FSTL4: variants seen among roughly 807,000 people sequenced by gnomAD.
The protein encoded by FSTL4 is follistatin-related protein 4.
Under a neutral mutation model 78.2 loss-of-function variants are expected in FSTL4, and 28 were observed. The ratio of observed to expected loss-of-function variants is 0.36; its 90% CI spans 0.27 to 0.49. The LOEUF (loss-of-function observed/expected upper bound fraction) is 0.49, where lower values mean the gene tolerates loss of function less well. FSTL4 is among the 20% of genes least tolerant of loss of function. The pLI is 0.98. For missense variants in FSTL4, 922 were observed against 1,084.9 expected, an observed-to-expected ratio of 0.85 and a Z score of 2.11; for synonymous variants, 422 against 440.5, an observed-to-expected ratio of 0.96 and a Z score of 0.53.
At chr5:133,267,573 A>G (rs552654764) in intron 6 of FSTL4, among the ~76,000 whole-genome samples, 36 of 152,260 alleles carry the variant, frequency 2.4e-4, no homozygotes, top group East Asian at 5.8e-4. Context: ...GGGAAGCACC[A>G]TGGCCATAGT....
the FSTL4 span, among the ~76,000 whole-genome samples, chr5:133,826,676 A>T: frequency 6.6e-6 from 1 of 152,150 alleles, no homozygotes; most frequent in Non-Finnish European, 1.5e-5. Context: ...CCATCTCAAG[A>T]TCCTTAATTT....
At chr5:133,624,035 A>G in the FSTL4 span, among the ~76,000 whole-genome samples, 1 of 152,046 alleles carries the variant, frequency 6.6e-6, no homozygotes, top group Non-Finnish European at 1.5e-5. Context: ...GTCGTGGAAG[A>G]CAGTGTGGTG....
At chr5:133,304,704 G>A (rs1233341582) in intron 6 of FSTL4, among the ~76,000 whole-genome samples, 4 of 152,214 alleles carry the variant, frequency 2.6e-5, no homozygotes, top group Non-Finnish European at 4.4e-5. Flanking sequence ...AGAAGTAAAC[G>A]ATTGAGATGG....
chr5:133,562,862 G>C (rs967667100), intron 3 of FSTL4, among the ~76,000 whole-genome samples: 4 of 152,188 alleles, frequency 2.6e-5, no homozygotes, highest in Admixed American at 2.6e-4. Flanking sequence ...CAACATGATG[G>C]GAACAGTCAG....
At chr5:133,564,284 C>T (rs1039311415) in intron 3 of FSTL4, among the ~76,000 whole-genome samples, 1 of 152,102 alleles carries the variant, frequency 6.6e-6, no homozygotes, top group African/African-American at 2.4e-5. Flanking sequence ...AGGACTTTGA[C>T]ATGTCTTTTT....
At chr5:133,625,074 C>A in the FSTL4 span, among the ~76,000 whole-genome samples, 1 of 151,440 alleles carries the variant, frequency 6.6e-6, no homozygotes, top group Non-Finnish European at 1.5e-5. Context: ...AGATATGGGT[C>A]TTTAATGTTT....
At chr5:133,707,879 T>C in the FSTL4 span, among the ~76,000 whole-genome samples, 2 of 151,802 alleles carry the variant, frequency 1.3e-5, no homozygotes, top group Middle Eastern at 3.2e-3. Context: ...AGGCTTCAGG[T>C]GTTGCTTGAG....
At chr5:133,341,312 CA>C (rs1432136939) in intron 4 of FSTL4, among the ~76,000 whole-genome samples, 1 of 144,774 alleles carries the variant, frequency 6.9e-6, no homozygotes. Flanking sequence ...TGCAGGAATT[CA>C]AACACATGCA....
chr5:133,796,189 C>T, the FSTL4 span, among the ~76,000 whole-genome samples: 45,683 of 152,158 alleles, frequency 0.3, 7,333 homozygotes, highest in African/African-American at 0.41. Context: ...GCAGGACATG[C>T]GACAGGGGTG....
the FSTL4 span, among the ~76,000 whole-genome samples, chr5:133,742,916 GGCA>G: frequency 6.6e-6 from 1 of 152,142 alleles, no homozygotes; most frequent in African/African-American, 2.4e-5. Flanking sequence ...ACGTCTTTCA[GGCA>G]GATCTACCGT....
chr5:133,684,789 T>C, the FSTL4 span, among the ~76,000 whole-genome samples: 1 of 152,138 alleles, frequency 6.6e-6, no homozygotes, highest in South Asian at 2.1e-4. Flanking sequence ...GATGGCTCCA[T>C]GTAAGGAAGA....
At chr5:133,214,227 C>A (rs777309136) in intron 13 of FSTL4, among the ~76,000 whole-genome samples, 1 of 152,162 alleles carries the variant, frequency 6.6e-6, no homozygotes, top group South Asian at 2.1e-4. Flanking sequence ...AATGCACATT[C>A]TTTTAAAGTA....
the FSTL4 span, among the ~76,000 whole-genome samples, chr5:133,712,932 C>G: frequency 0.013 from 1,925 of 152,306 alleles, 42 homozygotes; most frequent in African/African-American, 0.043. Flanking sequence ...TCCCCTGCCA[C>G]GGGATAGATG....
At chr5:133,226,073 G>A (rs186739558) in intron 8 of FSTL4, 7 of 348,900 alleles carry the variant, frequency 2.0e-5, no homozygotes, top group Middle Eastern at 7.2e-4. Context: ...TTCTAAATAC[G>A]ATCAGAAGGC....
intron 3 of FSTL4, among the ~76,000 whole-genome samples, chr5:133,543,131 G>T (rs1408984566): frequency 6.6e-6 from 1 of 152,068 alleles, no homozygotes; most frequent in Non-Finnish European, 1.5e-5. Flanking sequence ...GCTCACTGCA[G>T]CTTCAAACTC....
intron 3 of FSTL4, among the ~76,000 whole-genome samples, chr5:133,455,995 C>T (rs144574807): frequency 1.4e-4 from 22 of 152,342 alleles, no homozygotes; most frequent in African/African-American, 4.1e-4. Flanking sequence ...TCCCAGCTCT[C>T]GTAGTGTCTT....
In FSTL4 at chr5:133,348,304, A is replaced by T. The variant is rs138808823; in HGVS notation, c.410-31652T>A. Among the ~76,000 whole-genome samples the T allele has an allele frequency of 4.8e-3, 729 of 152,356 alleles. 10 individuals carry two copies. Among genetic ancestry groups the T allele is most frequent in the African/African-American group, 0.016 (679 of 41,582 alleles). ...CAAAGAATAAAGCTATGGAGTCCATAAAGTTTAGAGTCTAAGCAGAGGCAC... is the reference window on the plus strand; with the variant it reads ...CAAAGAATAAAGCTATGGAGTCCATTAAGTTTAGAGTCTAAGCAGAGGCAC... On this transcript the variant is annotated intron_variant, in intron 4 of 15. Transcript: ENST00000265342.
chr5:133,756,323 C>T, the FSTL4 span, among the ~76,000 whole-genome samples: 8 of 151,868 alleles, frequency 5.3e-5, no homozygotes, highest in South Asian at 1.3e-3. Context: ...CAGAAGGGGT[C>T]TGCAGGTCCA....
the FSTL4 span, among the ~76,000 whole-genome samples, chr5:133,816,480 C>A: frequency 1.3e-5 from 2 of 152,180 alleles, no homozygotes; most frequent in East Asian, 1.9e-4. Context: ...AAGCCATTTA[C>A]AATGGAGATG....
Sources: allele counts gnomAD v4.1 joint callset (sites outside exome capture counted in the v4.1 genomes callset), GRCh38; gene constraint gnomAD v4.1.1; transcripts MANE v1.5; gene names NCBI Gene and HGNC (gene_info 2026-07-23, HGNC 2026-07-21).